Variants in SCUBE1 observed in about 807,000 individuals in gnomAD.
SCUBE1 encodes the protein signal peptide, CUB domain and EGF like domain containing 1, also known as signal peptide, CUB and EGF-like domain-containing protein 1.
In SCUBE1, 59 loss-of-function variants were observed where a neutral mutation model predicts 124.4. The observed-to-expected ratio is 0.47, with a 90% CI of 0.38 to 0.59. The LOEUF (loss-of-function observed/expected upper bound fraction) is 0.59, where lower values mean the gene tolerates loss of function less well. SCUBE1 is among the 20% of genes least tolerant of loss of function. SCUBE1 has a pLI of 0.00. For synonymous variants in SCUBE1, 545 were observed against 550.9 expected (o/e 0.99, Z 0.15); for missense variants, 1,150 against 1,371.2 (o/e 0.84, Z 2.55).
chr22:43,229,338 G>A, intron 8 of SCUBE1, 150 bp from the exon 9 acceptor site: 1 of 650,492 alleles, frequency 1.5e-6, no homozygotes, highest in Non-Finnish European at 2.8e-6. Context: ...CAGGAAATGG[G>A]AGACTCCTTG....
chr22:43,293,271 G>A (rs946343625), intron 3 of SCUBE1, among the ~76,000 whole-genome samples: 2 of 152,246 alleles, frequency 1.3e-5, no homozygotes, highest in African/African-American at 2.4e-5. Flanking sequence ...AGGCCCACGC[G>A]ATCCTCACAG....
At chr22:43,266,354 G>A (rs1176831877) in intron 4 of SCUBE1, among the ~76,000 whole-genome samples, 2 of 152,076 alleles carry the variant, frequency 1.3e-5, no homozygotes. Flanking sequence ...CCACTGCAAG[G>A]ATGGCTGCTA....
chr22:43,297,925 G>A (rs1037467948), intron 3 of SCUBE1, among the ~76,000 whole-genome samples: 4 of 152,264 alleles, frequency 2.6e-5, no homozygotes, highest in South Asian at 2.1e-4. Flanking sequence ...CACTGGCTCC[G>A]GTGTCCCAGC....
chr22:43,315,189 C>T (rs1363491540), intron 3 of SCUBE1, among the ~76,000 whole-genome samples: 3 of 152,114 alleles, frequency 2.0e-5, no homozygotes, highest in Admixed American at 2.0e-4. Context: ...AGCACCTGCA[C>T]AGAATTTACA....
chr22:43,241,394 G>A (rs567840443), intron 6 of SCUBE1, among the ~76,000 whole-genome samples: 5 of 152,174 alleles, frequency 3.3e-5, no homozygotes, highest in South Asian at 2.1e-4. Context: ...AAGAGGATCC[G>A]GTACGGAGCA....
At position 43,210,167 on chromosome 22, in the gene SCUBE1, T is replaced by TGGGTAGTCGCCA. The variant is rs1164023508; in HGVS notation, c.2445_2456dup (p.Gly816_Pro819dup). ...TGTGCCAGACGCATTCAGCGTTGGCTGGGTAGTCGCCAGGGTAGTTGGGGG... is the reference window on the plus strand; with the variant it reads ...TGTGCCAGACGCATTCAGCGTTGGCTGGGTAGTCGCCAGGGTAGTCGCCAGGGTAGTTGGGGG... On this transcript the variant is annotated inframe_insertion, in exon 19 of 22. Coordinates refer to ENST00000360835, the MANE Select transcript of SCUBE1 (RefSeq NM_173050.5). This position sits in a 1 kb window ranked among gnomAD's most constrained non-coding sequence, Gnocchi z 4.5. The TGGGTAGTCGCCA allele has an allele frequency of 6.2e-7, 1 of 1,608,164 alleles. No individual in the cohort carries two copies. Among genetic ancestry groups the TGGGTAGTCGCCA allele is most frequent in the Non-Finnish European group, 8.5e-7 (1 of 1,177,444 alleles).
chr22:43,261,692 C>T (rs2146711084), intron 5 of SCUBE1, among the ~76,000 whole-genome samples: 1 of 152,308 alleles, frequency 6.6e-6, no homozygotes, highest in South Asian at 2.1e-4. Flanking sequence ...GTGAGGACCA[C>T]CTTCTCTATT....
Position 43,211,862 on chromosome 22 carries a change from T to A in SCUBE1, c.2221+563A>T, listed in dbSNP as rs113386696. Among the ~76,000 whole-genome samples, 1 of 152,072 alleles carries A rather than the reference T, an allele frequency of 6.6e-6. No homozygotes were observed. The highest frequency in any genetic ancestry group is 1.5e-5 in the Non-Finnish European group (1 of 68,016). On this transcript the variant is annotated intron_variant, in intron 17 of 21. Coordinates refer to ENST00000360835, the MANE Select transcript of SCUBE1 (RefSeq NM_173050.5). The surrounding 1 kb of genome is among the most constrained non-coding windows in gnomAD (Gnocchi z 4.5). Reference sequence around the variant, plus strand: ...GGGCAAATTCAGAACAGTTTGTATGTGCAGGGGAGTATCTGGTGATGTGGC... The same window carrying A: ...GGGCAAATTCAGAACAGTTTGTATGAGCAGGGGAGTATCTGGTGATGTGGC...
intron 9 of SCUBE1, 86 bp from the exon 10 acceptor site, chr22:43,227,582 AG>A (rs1340675875): frequency 1.3e-6 from 2 of 1,541,152 alleles, no homozygotes; most frequent in Non-Finnish European, 1.8e-6. Context: ...CAAGAGGGCA[AG>A]AATCTCCTGA....
chr22:43,326,149 A>G (rs895137798), intron 2 of SCUBE1, among the ~76,000 whole-genome samples: 1 of 151,324 alleles, frequency 6.6e-6, no homozygotes, highest in Non-Finnish European at 1.5e-5. Context: ...CCCACTCTCT[A>G]CTCTCGGAGA....
chr22:43,236,354 T>C (rs2146683498), intron 7 of SCUBE1, among the ~76,000 whole-genome samples: 1 of 152,340 alleles, frequency 6.6e-6, no homozygotes, highest in South Asian at 2.1e-4. Flanking sequence ...AATGTGGGCA[T>C]CTATGGACAT....
chr22:43,317,076 G>A (rs1396948511), intron 3 of SCUBE1: 9 of 152,126 alleles, frequency 5.9e-5, no homozygotes, highest in Admixed American at 2.0e-4. Flanking sequence ...CCAAATGGTC[G>A]TTTGATCCAG....
intron 2 of SCUBE1, among the ~76,000 whole-genome samples, chr22:43,325,767 C>G (rs150356464): frequency 1.3e-5 from 2 of 152,148 alleles, no homozygotes; most frequent in African/African-American, 4.8e-5. Context: ...CTCCCAGCAT[C>G]TAATAGAGCA....
rs371994053 is a variant in SCUBE1, at chr22:43,302,886, C to T, written c.350-11706G>A. 8.3e-4 allele frequency among the ~76,000 whole-genome samples: 127 copies of T among 152,328 alleles called. 2 individuals carry two copies. The South Asian group carries it at 0.015, about 18-fold the overall frequency. ...CGGGACGCTTAATGAAGCGCCTCTG[C>T]GCCTACCCAGGCCCAGCTGCATGTG... On this transcript the variant is annotated intron_variant, in intron 3 of 21. Coordinates refer to ENST00000360835, the MANE Select transcript of SCUBE1 (RefSeq NM_173050.5).
intron 4 of SCUBE1, among the ~76,000 whole-genome samples, chr22:43,287,080 A>G (rs1416271323): frequency 6.6e-6 from 1 of 152,090 alleles, no homozygotes; most frequent in East Asian, 1.9e-4. Flanking sequence ...CTGTGGCCAG[A>G]GGAGGGATTG....
At chr22:43,259,909 C>T (rs1245795383) in intron 5 of SCUBE1, among the ~76,000 whole-genome samples, 1 of 152,198 alleles carries the variant, frequency 6.6e-6, no homozygotes, top group African/African-American at 2.4e-5. Flanking sequence ...GACTCTTCTC[C>T]AGGGTGGAGC....
intron 2 of SCUBE1, among the ~76,000 whole-genome samples, chr22:43,325,779 A>C (rs932489121): frequency 6.6e-6 from 1 of 152,148 alleles, no homozygotes. Flanking sequence ...AATAGAGCAG[A>C]GAAAAGCAGC....
chr22:43,213,953 C>G (rs138992), intron 16 of SCUBE1, 137 bp downstream of exon 16: 591,905 of 932,356 alleles, frequency 0.63, 196,093 homozygotes, highest in Non-Finnish European at 0.69. Context: ...GTTTTGGAAA[C>G]GACAAGGAAC....
intron 4 of SCUBE1, among the ~76,000 whole-genome samples, chr22:43,273,815 C>T (rs1924389422): frequency 6.6e-6 from 1 of 152,034 alleles, no homozygotes; most frequent in South Asian, 2.1e-4. Context: ...TCAAGCGATC[C>T]TCCCACCTCG....
Sources: gnomAD v4.1 joint callset for allele counts (sites outside exome capture counted in the v4.1 genomes callset) on GRCh38, gnomAD v4.1.1 for gene constraint, Gnocchi (gnomAD v3.1) non-coding constraint, MANE v1.5 for transcripts, NCBI Gene and HGNC (gene_info 2026-07-23, HGNC 2026-07-21) for gene names.